The following SLC10A4 variants were observed in gnomAD, a reference collection of about 807,000 sequenced individuals.
The protein encoded by SLC10A4 is solute carrier family 10 member 4, also known as putative sodium/bile acid cotransporter 4.
Under a neutral mutation model 22.5 loss-of-function variants are expected in SLC10A4, and 17 were observed. The observed-to-expected ratio is 0.76, with a 90% CI of 0.52 to 1.14. The LOEUF (loss-of-function observed/expected upper bound fraction) is 1.14, where lower values mean the gene tolerates loss of function less well. SLC10A4 is among the 50% of genes most tolerant of loss of function. SLC10A4 has a pLI of 0.00. For missense variants in SLC10A4, 548 were observed against 584.0 expected (o/e 0.94, Z 0.64); for synonymous variants, 257 against 258.2 (o/e 1.00, Z 0.04).
chr4:48,487,497 A>T (rs2148672401), intron 2 of SLC10A4, among the ~76,000 whole-genome samples: 1 of 152,338 alleles, frequency 6.6e-6, no homozygotes, highest in Non-Finnish European at 1.5e-5. Flanking sequence ...CTTATGGAAA[A>T]CACGGGGTTC....
At chr4:48,487,539 C>T (rs1209897388) in intron 2 of SLC10A4, among the ~76,000 whole-genome samples, 1 of 152,188 alleles carries the variant, frequency 6.6e-6, no homozygotes, top group African/African-American at 2.4e-5. Flanking sequence ...CACTTGTCTG[C>T]TCTGATGATC....
intron 2 of SLC10A4, among the ~76,000 whole-genome samples, chr4:48,486,103 G>T (rs1298040328): frequency 1.3e-5 from 2 of 152,212 alleles, no homozygotes; most frequent in East Asian, 3.9e-4. Context: ...GAGAAAAAGA[G>T]CCACCCTAAT....
At chr4:48,484,889 A>T (rs1718252605) in intron 1 of SLC10A4, 43 bp from the exon 2 acceptor site, 1 of 1,576,308 alleles carries the variant, frequency 6.3e-7, no homozygotes, top group African/African-American at 1.4e-5. Flanking sequence ...TGGCTGTTTG[A>T]CTCAAAGCTC....
In SLC10A4 at chr4:48,483,881, T is replaced by C. The variant is rs1465284915; in HGVS notation, c.320T>C (p.Val107Ala). ...ACGCCGCTGAACCACGGGCTGAACG[T>C]GTTCGTGGGCGCCGCCCTGTGCATC... ...WDTPLNHGLNVFVGAALCITM... is the reference protein window; with the variant it reads ...WDTPLNHGLNAFVGAALCITM... The change falls in exon 1 of 3, where the codon GTG becomes GCG. Residue 107 changes from valine to alanine, a missense_variant. Coordinates refer to ENST00000273861, the MANE Select transcript of SLC10A4 (RefSeq NM_152679.4). This position sits in a 1 kb window ranked among gnomAD's most constrained non-coding sequence, Gnocchi z 5.4. 2 of 1,544,112 alleles carry C rather than the reference T, an allele frequency of 1.3e-6. No individual in the cohort carries two copies. Among genetic ancestry groups the C allele is most frequent in the African/African-American group, 1.4e-5 (1 of 73,060 alleles).
At chr4:48,484,219 G>A (rs1201803696) in intron 1 of SLC10A4, 68 bp downstream of exon 1, 40 of 1,441,590 alleles carry the variant, frequency 2.8e-5, no homozygotes, top group Non-Finnish European at 3.6e-5. Flanking sequence ...GTGGGCTCAC[G>A]ACGAAGGACA....
In SLC10A4 at chr4:48,484,881, G is replaced by A. The variant is rs375247954; in HGVS notation, c.591-51G>A. The A allele has an allele frequency of 3.9e-6, 6 of 1,546,124 alleles. No individual in the cohort carries two copies. The African/African-American group carries it at 5.5e-5, about 14-fold the overall frequency. ...CAACATACAAGAAAAAGGTTAGCTGGCTGTTTGACTCAAAGCTCGTTCTGA... is the reference window on the plus strand; with the variant it reads ...CAACATACAAGAAAAAGGTTAGCTGACTGTTTGACTCAAAGCTCGTTCTGA... On this transcript the variant is annotated intron_variant, in intron 1 of 2. Transcript: ENST00000273861.
rs1718327067 is a variant in SLC10A4 at position 48,488,569 on chromosome 4, G to A, written c.944G>A (p.Gly315Asp). The A allele has an allele frequency of 6.2e-7, 1 of 1,613,926 alleles. No individual in the cohort carries two copies. Among genetic ancestry groups the A allele is most frequent in the Non-Finnish European group, 8.5e-7 (1 of 1,180,018 alleles). ...IFMPLAGYAS[G>D]YGLATLFHLP... ...ATGCCTTTGGCAGGCTACGCTTCAG[G>A]TTATGGTTTAGCTACTCTCTTCCAT... Residue 315 changes from glycine (G) to aspartate (D), a missense_variant, in exon 3 of 3, where the codon GGT (glycine) becomes GAT (aspartate). By Grantham distance (94) the Gly-to-Asp change is moderately conservative. Around this residue, in one of 3 missense-constraint regions of SLC10A4, gnomAD observed 314 missense variants for 353.2 expected, o/e 0.89. Coordinates refer to ENST00000273861, the MANE Select transcript of SLC10A4 (RefSeq NM_152679.4).
chr4:48,484,351 T>C (rs1718241191), intron 1 of SLC10A4, among the ~76,000 whole-genome samples, 200 bp downstream of exon 1: 1 of 152,200 alleles, frequency 6.6e-6, no homozygotes, highest in South Asian at 2.1e-4. Context: ...GGGAGCAAGC[T>C]AGACGGCGAG....
Position 48,483,698 on chromosome 4 carries a change from C to T in SLC10A4, c.137C>T (p.Pro46Leu). 6.8e-7 allele frequency: 1 copy of T among 1,460,772 alleles called. No individual in the cohort carries two copies. Among genetic ancestry groups the T allele is most frequent in the Non-Finnish European group, 9.0e-7 (1 of 1,113,500 alleles). 90.5% of individuals were successfully genotyped at this position (1,460,772 alleles called of 1,614,324 possible). The change falls in exon 1 of 3, where the codon CCT (proline) becomes CTT (leucine). Residue 46 changes from proline to leucine, a missense_variant. By Grantham distance (98) the Pro-to-Leu change is moderately conservative (BLOSUM62 -3). Coordinates refer to ENST00000273861, the MANE Select transcript of SLC10A4 (RefSeq NM_152679.4). The surrounding 1 kb of genome is among the most constrained non-coding windows in gnomAD (Gnocchi z 5.4). ...LAPASSAGPG[P>L]GLSLGPGPSF... ...CCTGCCTCCAGCGCCGGCCCCGGCC[C>T]TGGGCTCAGCCTCGGGCCGGGTCCG...
At chr4:48,486,795 C>T (rs536001024) in intron 2 of SLC10A4, among the ~76,000 whole-genome samples, 61 of 152,252 alleles carry the variant, frequency 4.0e-4, no homozygotes, top group Non-Finnish European at 6.8e-4. Context: ...TATGCTTTTA[C>T]ATGTAATAGC....
chr4:48,488,799 A>G lies in SLC10A4; in HGVS notation c.1174A>G (p.Lys392Glu). ...AATGTATGGAAGTGAAATGTTGCACAAGCGAGATCCTCTAGATGAAGATGA... is the reference window on the plus strand; with the variant it reads ...AATGTATGGAAGTGAAATGTTGCACGAGCGAGATCCTCTAGATGAAGATGA... ...YKMYGSEMLHKRDPLDEDEDT... is the reference protein window; with the variant it reads ...YKMYGSEMLHERDPLDEDEDT... Residue 392 changes from lysine to glutamate, a missense_variant, in exon 3 of 3, where the codon AAG becomes GAG. Physicochemically the swap from Lys to Glu is moderately conservative, Grantham distance 56. This residue lies in a region of SLC10A4 where 314 missense variants were observed against 353.2 expected (regional missense o/e 0.89). Transcript: ENST00000273861. 1 of 1,614,098 alleles carries G rather than the reference A, an allele frequency of 6.2e-7. No individual in the cohort carries two copies. The highest frequency in any genetic ancestry group is 8.5e-7 in the Non-Finnish European group (1 of 1,180,030).
rs1360935345 is a variant in SLC10A4, at chr4:48,484,098, C to A, written c.537C>A (p.Gly179=). ...VAVLLCGCCP[G]GNLSNLMSLL... ...TGCTCCTGTGTGGCTGCTGTCCCGGCGGCAATCTCTCCAATCTTATGTCCC... is the reference window on the plus strand; with the variant it reads ...TGCTCCTGTGTGGCTGCTGTCCCGGAGGCAATCTCTCCAATCTTATGTCCC... The change falls in exon 1 of 3, where the codon GGC becomes GGA. Residue 179 remains glycine (G), a synonymous_variant. Coordinates refer to ENST00000273861, the MANE Select transcript of SLC10A4 (RefSeq NM_152679.4). 6.2e-7 allele frequency: 1 copy of A among 1,604,304 alleles called. No individual in the cohort carries two copies. Among genetic ancestry groups the A allele is most frequent in the African/African-American group, 1.3e-5 (1 of 74,918 alleles).
At chr4:48,486,025 T>C (rs1718276078) in intron 2 of SLC10A4, among the ~76,000 whole-genome samples, 1 of 152,158 alleles carries the variant, frequency 6.6e-6, no homozygotes, top group Non-Finnish European at 1.5e-5. Context: ...TGACTTCAGG[T>C]AATTAATCAA....
At position 48,483,544 on chromosome 4, in the gene SLC10A4, C is replaced by T. The variant is rs2148671671; in HGVS notation, c.-18C>T. On this transcript the variant is annotated 5_prime_UTR_variant, in exon 1 of 3. Transcript: ENST00000273861. The surrounding 1 kb of genome is among the most constrained non-coding windows in gnomAD (Gnocchi z 5.4). ...CACGCGGCGGGAGGGGACCGGAATC[C>T]GCAGCTCCGGCCGCGCCATGGACGG... The T allele has an allele frequency of 2.0e-6, 3 of 1,489,688 alleles. No individual in the cohort carries two copies. The highest frequency in any genetic ancestry group is 1.5e-5 in the African/African-American group (1 of 68,550). The allele number at this position is 1,489,688 out of a possible 1,614,324, so 92.3% of individuals were successfully genotyped here.
At position 48,483,990 on chromosome 4, in the gene SLC10A4, G is replaced by A. The variant is rs775987776; in HGVS notation, c.429G>A (p.Ala143=). 52 of 1,568,278 alleles carry A rather than the reference G, an allele frequency of 3.3e-5. No individual in the cohort carries two copies. Among genetic ancestry groups the A allele is most frequent in the Non-Finnish European group, 4.1e-5 (47 of 1,160,480 alleles). ...GGCCCGTGGGCGCGCTGCTGGCAGCGCTCTGCCAGTTCGGCCTCCTGCCGC... is the reference window on the plus strand; with the variant it reads ...GGCCCGTGGGCGCGCTGCTGGCAGCACTCTGCCAGTTCGGCCTCCTGCCGC... ...VRRPVGALLA[A]LCQFGLLPLL... The change falls in exon 1 of 3, where the codon GCG becomes GCA. Residue 143 remains alanine (A), a synonymous_variant. Transcript: ENST00000273861. This position sits in a 1 kb window ranked among gnomAD's most constrained non-coding sequence, Gnocchi z 5.4.
chr4:48,489,108 T>C lies in SLC10A4; in HGVS notation c.*169T>C. 1.4e-6 allele frequency: 1 copy of C among 728,578 alleles called. No homozygotes were observed. The highest frequency in any genetic ancestry group is 2.9e-5 in the East Asian group (1 of 34,682). 45.1% of individuals were successfully genotyped at this position (728,578 alleles called of 1,614,324 possible). A position where few individuals can be genotyped will look rare whatever the true frequency, so the allele number is the denominator to read the frequency against. ...GTATTAACCAAACGTTGTCACAAATTACAAATCAATGCTGTAATATAATTT... is the reference window on the plus strand; with the variant it reads ...GTATTAACCAAACGTTGTCACAAATCACAAATCAATGCTGTAATATAATTT... On this transcript the variant is annotated 3_prime_UTR_variant, in exon 3 of 3. Transcript: ENST00000273861.
Position 48,488,637 on chromosome 4 carries a change from A to T in SLC10A4, c.1012A>T (p.Ser338Cys). ...CKRTVCLETG[S>C]QNVQLCTAIL... is the part of the protein sequence containing the mutation. ...GAGGACTGTATGTCTGGAAACAGGTAGTCAGAATGTGCAGCTCTGTACAGC... is the reference window on the plus strand; with the variant it reads ...GAGGACTGTATGTCTGGAAACAGGTTGTCAGAATGTGCAGCTCTGTACAGC... Residue 338 changes from serine (S) to cysteine (C), a missense_variant, in exon 3 of 3, where the codon AGT (serine) becomes TGT (cysteine). Physicochemically the swap from Ser to Cys is moderately radical, Grantham distance 112. Transcript: ENST00000273861. 6.2e-7 allele frequency: 1 copy of T among 1,614,164 alleles called. No homozygotes were observed. The highest frequency in any genetic ancestry group is 1.1e-5 in the South Asian group (1 of 91,080).
Position 48,488,817 on chromosome 4 carries a change from G to A in SLC10A4, c.1192G>A (p.Glu398Lys). ...EMLHKRDPLDEDEDTDISYKK... is the reference protein window; with the variant it reads ...EMLHKRDPLDKDEDTDISYKK... ...GTTGCACAAGCGAGATCCTCTAGATGAAGATGAAGATACAGATATTTCTTA... is the reference window on the plus strand; with the variant it reads ...GTTGCACAAGCGAGATCCTCTAGATAAAGATGAAGATACAGATATTTCTTA... The change falls in exon 3 of 3, where the codon GAA becomes AAA. Residue 398 changes from glutamate to lysine, a missense_variant. This residue lies in a region of SLC10A4 where 314 missense variants were observed against 353.2 expected (regional missense o/e 0.89). Coordinates refer to ENST00000273861, the MANE Select transcript of SLC10A4 (RefSeq NM_152679.4). The A allele has an allele frequency of 6.2e-7, 1 of 1,613,094 alleles. No individual in the cohort carries two copies. The highest frequency in any genetic ancestry group is 1.1e-5 in the South Asian group (1 of 91,084).
chr4:48,488,319 T>C, intron 2 of SLC10A4, 108 bp from the exon 3 acceptor site: 1 of 991,410 alleles, frequency 1.0e-6, no homozygotes, highest in South Asian at 2.1e-5. Context: ...GTCAAAGGTC[T>C]CCATTTTGTG....
Sources: gnomAD v4.1 joint callset for allele counts (sites outside exome capture counted in the v4.1 genomes callset) on GRCh38, gnomAD v4.1.1 for gene constraint, gnomAD v4.1.1 regional missense constraint, Gnocchi (gnomAD v3.1) non-coding constraint, MANE v1.5 for transcripts, NCBI Gene and HGNC (gene_info 2026-07-23, HGNC 2026-07-21) for gene names.